The following CTNND2 variants were observed in gnomAD, a reference collection of about 807,000 sequenced individuals.
The protein encoded by CTNND2 is catenin delta 2.
Under a neutral mutation model 144.4 loss-of-function variants are expected in CTNND2, and 22 were observed. That is an observed-to-expected ratio of 0.15 (90% CI 0.11 to 0.22). CTNND2 has a LOEUF of 0.22. Ranked by LOEUF, CTNND2 falls within the 10% of genes least tolerant of loss-of-function variation. CTNND2 has a pLI of 1.00. For synonymous variants in CTNND2, 751 were observed against 695.6 expected (o/e 1.08, Z -1.25); for missense variants, 1,353 against 1,618.8 (o/e 0.84, Z 2.82).
Position 11,174,355 on chromosome 5 carries a change from C to T in CTNND2, c.1976-14596G>A, listed in dbSNP as rs766749086. On this transcript the variant is annotated intron_variant, in intron 11 of 21. Transcript: ENST00000304623. ...AGGGTTCAAATTAAGAACCAGCAGC[C>T]CAGGGCTGGTCTTGCATTGAAGAGT... is the stretch of plus-strand genomic sequence containing the variant. Among the ~76,000 whole-genome samples, 28 of 152,186 alleles carry T rather than the reference C, an allele frequency of 1.8e-4. 1 individual carries two copies. In the South Asian group the frequency reaches 2.7e-3, roughly 15 times the overall value.
chr5:10,995,070 C>A (rs538952912), intron 18 of CTNND2, among the ~76,000 whole-genome samples: 3 of 152,166 alleles, frequency 2.0e-5, no homozygotes, highest in Admixed American at 6.5e-5. Flanking sequence ...ATATGGTTAC[C>A]GAAGAGGGAC....
intron 1 of CTNND2, among the ~76,000 whole-genome samples, chr5:11,817,734 G>A (rs373396411): frequency 7.2e-4 from 110 of 152,084 alleles, no homozygotes; most frequent in African/African-American, 2.5e-3. Flanking sequence ...GATGGGATGC[G>A]AGTCCACTCA....
chr5:11,055,255 T>C (rs1248351683), intron 16 of CTNND2, among the ~76,000 whole-genome samples: 1 of 152,188 alleles, frequency 6.6e-6, no homozygotes, highest in Non-Finnish European at 1.5e-5. Flanking sequence ...AAGGTTACTT[T>C]AAACTTAAAA....
chr5:11,371,819 C>G (rs907021532), intron 7 of CTNND2, among the ~76,000 whole-genome samples: 1 of 152,008 alleles, frequency 6.6e-6, no homozygotes, highest in African/African-American at 2.4e-5. Context: ...TTCAGACTTA[C>G]GTTTGGAAGG....
At chr5:11,430,346 C>T (rs31900) in intron 3 of CTNND2, among the ~76,000 whole-genome samples, 5,993 of 101,202 alleles carry the variant, frequency 0.059, 446 homozygotes, top group African/African-American at 0.2. Context: ...TGGAATGGGA[C>T]ATGAAACAAA....
chr5:11,018,669 C>T (rs1741885639), intron 17 of CTNND2, among the ~76,000 whole-genome samples: 1 of 151,298 alleles, frequency 6.6e-6, no homozygotes, highest in Non-Finnish European at 1.5e-5. Flanking sequence ...CACAACATTC[C>T]CTTCAGCTAA....
Position 11,721,909 on chromosome 5 carries a change from G to A in CTNND2, c.174+10227C>T, listed in dbSNP as rs1031833895. 2.6e-5 allele frequency among the ~76,000 whole-genome samples: 4 copies of A among 152,176 alleles called. 1 individual carries two copies. Among genetic ancestry groups the A allele is most frequent in the African/African-American group, 9.7e-5 (4 of 41,432 alleles). ...GGAAATATGGAGCTCGTCTATCAAC[G>A]GGAGAGGATCAGATTCTCATCACAA... On this transcript the variant is annotated intron_variant, in intron 2 of 21. Transcript: ENST00000304623.
At chr5:11,398,457 T>C (rs1246444003) in intron 5 of CTNND2, among the ~76,000 whole-genome samples, 1 of 152,190 alleles carries the variant, frequency 6.6e-6, no homozygotes, top group Non-Finnish European at 1.5e-5. Context: ...TGATGGAACT[T>C]TGAAACAACA....
intron 16 of CTNND2, among the ~76,000 whole-genome samples, chr5:11,037,924 T>G (rs1364727442): frequency 6.6e-6 from 1 of 152,200 alleles, no homozygotes; most frequent in Non-Finnish European, 1.5e-5. Flanking sequence ...GTTACATTAT[T>G]ATTTAACTAT....
At chr5:11,485,939 CAACTT>C (rs925365789) in intron 3 of CTNND2, among the ~76,000 whole-genome samples, 3 of 151,948 alleles carry the variant, frequency 2.0e-5, no homozygotes, top group Admixed American at 6.6e-5. Context: ...ATATCATAAA[CAACTT>C]AAAATACAAA....
chr5:11,315,433 A>G (rs1250857402), intron 9 of CTNND2, among the ~76,000 whole-genome samples: 1 of 152,234 alleles, frequency 6.6e-6, no homozygotes, highest in Admixed American at 6.5e-5. Flanking sequence ...TTTTGCCAGT[A>G]AAAACTGACT....
chr5:11,823,739 G>C (rs1055023754), intron 1 of CTNND2, among the ~76,000 whole-genome samples: 2 of 152,042 alleles, frequency 1.3e-5, no homozygotes, highest in Non-Finnish European at 2.9e-5. Flanking sequence ...TTGTACAGTA[G>C]TACTTTAAAA....
chr5:11,762,316 G>T (rs1377591606), intron 1 of CTNND2, among the ~76,000 whole-genome samples: 2 of 152,036 alleles, frequency 1.3e-5, no homozygotes, highest in East Asian at 3.9e-4. Flanking sequence ...CATTTTCAAG[G>T]TCATACCCTG....
chr5:11,774,742 CATTTT>C (rs1230466552), intron 1 of CTNND2, among the ~76,000 whole-genome samples: 2 of 151,954 alleles, frequency 1.3e-5, no homozygotes, highest in Non-Finnish European at 2.9e-5. Context: ...CCCATGATAC[CATTTT>C]ATTAGTACGA....
chr5:11,593,686 T>C (rs529733763), intron 2 of CTNND2, among the ~76,000 whole-genome samples: 2 of 152,226 alleles, frequency 1.3e-5, no homozygotes, highest in Non-Finnish European at 1.5e-5. Context: ...CGTGTCTTTG[T>C]TCCTCCTTCA....
chr5:11,812,181 T>C (rs1289227737), intron 1 of CTNND2, among the ~76,000 whole-genome samples: 1 of 152,194 alleles, frequency 6.6e-6, no homozygotes, highest in East Asian at 1.9e-4. Context: ...AACACAGATG[T>C]CCTGTTGTGC....
intron 13 of CTNND2, among the ~76,000 whole-genome samples, chr5:11,116,805 C>T (rs951481350): frequency 3.9e-5 from 6 of 152,106 alleles, no homozygotes; most frequent in African/African-American, 1.4e-4. Context: ...TGCCTGTAAT[C>T]CCAGCACTTT....
chr5:11,068,238 A>G (rs759911485), intron 16 of CTNND2, among the ~76,000 whole-genome samples: 2 of 152,202 alleles, frequency 1.3e-5, no homozygotes, highest in Non-Finnish European at 2.9e-5. Context: ...GTAGTTCTCA[A>G]CCTTGGCAAA....
At chr5:11,780,688 T>A (rs35692925) in intron 1 of CTNND2, among the ~76,000 whole-genome samples, 46 of 152,296 alleles carry the variant, frequency 3.0e-4, no homozygotes, top group Non-Finnish European at 5.9e-4. Flanking sequence ...TCTTGCTGGA[T>A]CCTACAAGGA....
Sources: gnomAD v4.1 joint callset for allele counts (sites outside exome capture counted in the v4.1 genomes callset) on GRCh38, gnomAD v4.1.1 for gene constraint, MANE v1.5 for transcripts, NCBI Gene and HGNC (gene_info 2026-07-23, HGNC 2026-07-21) for gene names.